The following ASIP variants were observed in gnomAD, a reference collection of about 807,000 sequenced individuals.
The protein encoded by ASIP is agouti signaling protein.
A neutral mutation model predicts 10.3 loss-of-function variants in ASIP; 11 were observed. That is an observed-to-expected ratio of 1.07 (90% CI 0.68 to 1.78). ASIP has a LOEUF of 1.78. ASIP is among the 40% of genes most tolerant of loss of function. The pLI is 0.00. For missense variants in ASIP, 180 were observed against 169.2 expected (o/e 1.06, Z -0.35); for synonymous variants, 70 against 70.8 (o/e 0.99, Z 0.06).
intron 1 of ASIP, among the ~76,000 whole-genome samples, chr20:34,247,053 C>G (rs1454506047): frequency 6.7e-6 from 1 of 148,744 alleles, no homozygotes; most frequent in African/African-American, 2.5e-5. Flanking sequence ...AGTGCAGTGG[C>G]ATGATCATGG....
At chr20:34,223,641 A>C (rs1957113414) in intron 1 of ASIP, among the ~76,000 whole-genome samples, 4 of 139,576 alleles carry the variant, frequency 2.9e-5, no homozygotes, top group Admixed American at 2.8e-4. Context: ...CCGGGAGGTG[A>C]GGGGCGCCTC....
intron 3 of ASIP, among the ~76,000 whole-genome samples, chr20:34,266,268 C>T (rs1156772741): frequency 1.3e-5 from 2 of 151,886 alleles, no homozygotes; most frequent in Admixed American, 6.6e-5. Flanking sequence ...AGGAGAATGG[C>T]GTGAACCCGG....
At chr20:34,204,369 C>T (rs551309718) in intron 1 of ASIP, among the ~76,000 whole-genome samples, 204 of 151,978 alleles carry the variant, frequency 1.3e-3, no homozygotes, top group African/African-American at 4.3e-3. Context: ...TATAGGCACA[C>T]GCCACCATGC....
chr20:34,201,040 CTTT>C (rs2034894289), intron 1 of ASIP, among the ~76,000 whole-genome samples: 1 of 108,048 alleles, frequency 9.3e-6, no homozygotes, highest in African/African-American at 3.9e-5. Flanking sequence ...TTCTTTCTTT[CTTT>C]CTTTCTTTCT....
intron 1 of ASIP, among the ~76,000 whole-genome samples, chr20:34,223,108 G>A (rs2035061541): frequency 1.3e-5 from 2 of 151,780 alleles, no homozygotes; most frequent in South Asian, 4.2e-4. Context: ...GATGTGAGGA[G>A]CCCCTCTGCC....
intron 1 of ASIP, among the ~76,000 whole-genome samples, chr20:34,222,301 G>A (rs1232389703): frequency 4.6e-5 from 7 of 151,898 alleles, no homozygotes; most frequent in African/African-American, 1.7e-4. Context: ...GGCTACAGAT[G>A]GAGGAGGATG....
intron 1 of ASIP, among the ~76,000 whole-genome samples, chr20:34,209,114 T>C (rs1346232459): frequency 1.3e-5 from 2 of 152,254 alleles, no homozygotes; most frequent in African/African-American, 4.8e-5. Context: ...TTCTTTTGTA[T>C]AGTTGCTCTG....
At chr20:34,264,753 A>C (rs575666811) in intron 3 of ASIP, among the ~76,000 whole-genome samples, 1 of 147,174 alleles carries the variant, frequency 6.8e-6, no homozygotes, top group East Asian at 2.0e-4. Flanking sequence ...CTTATCCAAT[A>C]ATTTTCTTAA....
chr20:34,254,399 T>C (rs964503802), intron 1 of ASIP, among the ~76,000 whole-genome samples: 3 of 152,202 alleles, frequency 2.0e-5, no homozygotes, highest in African/African-American at 7.2e-5. Flanking sequence ...AGGGAGTGTG[T>C]TTCTCTAATG....
intron 1 of ASIP, among the ~76,000 whole-genome samples, chr20:34,256,075 G>A (rs920041813): frequency 6.6e-6 from 1 of 152,242 alleles, no homozygotes; most frequent in African/African-American, 2.4e-5. Context: ...CCGCCTTCTA[G>A]AGAGTGGTAG....
chr20:34,268,919 G>A (rs1250284635), intron 3 of ASIP, 72 bp from the exon 4 acceptor site: 2 of 1,528,166 alleles, frequency 1.3e-6, no homozygotes, highest in Non-Finnish European at 1.8e-6. Flanking sequence ...AGCCCGAGGA[G>A]CTCCCAGGCA....
chr20:34,214,340 T>C (rs2034993649), intron 1 of ASIP: 3 of 1,310,362 alleles, frequency 2.3e-6, no homozygotes, highest in African/African-American at 1.4e-5. Context: ...ACTTTTCATA[T>C]CTAACAACAG....
chr20:34,243,968 G>A (rs1279505995), intron 1 of ASIP, among the ~76,000 whole-genome samples: 1 of 152,162 alleles, frequency 6.6e-6, no homozygotes, highest in African/African-American at 2.4e-5. Context: ...AGGAGGCTGA[G>A]GCAGGAGAAT....
chr20:34,246,315 C>G (rs2035374680), intron 1 of ASIP: 1 of 1,549,986 alleles, frequency 6.5e-7, no homozygotes, highest in African/African-American at 1.4e-5. Flanking sequence ...ATTCCAGCTT[C>G]TTGTTTGGGT....
chr20:34,224,155 C>CAGATAA (rs1256002435), intron 1 of ASIP, among the ~76,000 whole-genome samples: 137 of 148,420 alleles, frequency 9.2e-4, no homozygotes, highest in African/African-American at 2.9e-3. Flanking sequence ...ACCTTCCCTC[C>CAGATAA]ACTGTTGTCC....
chr20:34,213,387 G>T, intron 1 of ASIP: 1 of 623,676 alleles, frequency 1.6e-6, no homozygotes, highest in Non-Finnish European at 2.8e-6. Context: ...TAATGCCAGA[G>T]AGTGGAGTGT....
At chr20:34,222,001 T>G (rs2035050807) in intron 1 of ASIP, among the ~76,000 whole-genome samples, 1 of 151,966 alleles carries the variant, frequency 6.6e-6, no homozygotes, top group African/African-American at 2.4e-5. Flanking sequence ...TCCCAGCCAC[T>G]TGGGAGGCTG....
At chr20:34,240,880 G>A (rs1404246517), upstream of ASIP, among the ~76,000 whole-genome samples, 3 of 152,092 alleles carry the variant, frequency 2.0e-5, no homozygotes, top group Non-Finnish European at 4.4e-5. Context: ...GGAGAAATAT[G>A]GGAAGAACAG....
At chr20:34,243,268 T>C (rs1308111590) in intron 1 of ASIP, among the ~76,000 whole-genome samples, 1 of 152,198 alleles carries the variant, frequency 6.6e-6, no homozygotes, top group African/African-American at 2.4e-5. Context: ...ATATGGTTCT[T>C]GGTCTCAAAG....
Sources: gnomAD v4.1 joint callset for allele counts (sites outside exome capture counted in the v4.1 genomes callset) on GRCh38, gnomAD v4.1.1 for gene constraint, MANE v1.5 for transcripts, NCBI Gene and HGNC (gene_info 2026-07-23, HGNC 2026-07-21) for gene names.